Variants in CES5A observed in about 807,000 individuals in gnomAD.
CES5A encodes the protein carboxylesterase 5A.
A neutral mutation model predicts 62.9 loss-of-function variants in CES5A; 67 were observed. The observed-to-expected ratio is 1.07, with a 90% CI of 0.88 to 1.31. The LOEUF (loss-of-function observed/expected upper bound fraction) is 1.31, where lower values mean the gene tolerates loss of function less well. Ranked by LOEUF, CES5A falls within the 50% of genes most tolerant of loss-of-function variation. The probability of loss-of-function intolerance (pLI) is 0.00; values close to 1 mark genes in which losing one functional copy is unlikely to be tolerated. For synonymous variants in CES5A, 296 were observed against 280.8 expected, an observed-to-expected ratio of 1.05 and a Z score of -0.54; for missense variants, 748 against 708.5, an observed-to-expected ratio of 1.06 and a Z score of -0.63.
chr16:55,910,103 G>C (rs1435581141), intron 1 of CES5A, among the ~76,000 whole-genome samples: 1 of 152,126 alleles, frequency 6.6e-6, no homozygotes, highest in Non-Finnish European at 1.5e-5. Flanking sequence ...AGGGACACCT[G>C]CCATTAGACT....
At chr16:55,911,290 G>A (rs566655570) in intron 1 of CES5A, among the ~76,000 whole-genome samples, 10 of 152,298 alleles carry the variant, frequency 6.6e-5, no homozygotes, top group African/African-American at 2.2e-4. Context: ...GTAAGTGAGT[G>A]AAGTAGAAGC....
intron 1 of CES5A, among the ~76,000 whole-genome samples, chr16:55,891,059 T>A (rs1277788099): frequency 3.9e-5 from 6 of 152,126 alleles, no homozygotes; most frequent in African/African-American, 1.4e-4. Flanking sequence ...TCATTCCAAT[T>A]ACCTGCTCAT....
At chr16:55,885,972 A>G (rs59432124) in intron 1 of CES5A, among the ~76,000 whole-genome samples, 214 of 152,288 alleles carry the variant, frequency 1.4e-3, no homozygotes, top group African/African-American at 4.9e-3. Flanking sequence ...CACATGGCTG[A>G]CCCCACGTTG....
At position 55,856,622 on chromosome 16, in the gene CES5A, C is replaced by T. The variant is rs183804549; in HGVS notation, c.1057-177G>A. On this transcript the variant is annotated intron_variant, in intron 8 of 12. Transcript: ENST00000290567. Reference sequence around the variant, plus strand: ...TTGTCAGATAGTTAATTTCTTCTCACTTTTGATAAAAGGCAGCTGTTCCTT... The same window carrying T: ...TTGTCAGATAGTTAATTTCTTCTCATTTTTGATAAAAGGCAGCTGTTCCTT... Among the ~76,000 whole-genome samples the T allele has an allele frequency of 6.7e-3, 1,024 of 152,364 alleles. 7 individuals carry two copies. Among genetic ancestry groups the T allele is most frequent in the Middle Eastern group, 0.024 (7 of 294 alleles).
chr16:55,894,689 C>T (rs1412254881), intron 1 of CES5A, among the ~76,000 whole-genome samples: 1 of 151,986 alleles, frequency 6.6e-6, no homozygotes, highest in African/African-American at 2.4e-5. Context: ...AAAATCTTTA[C>T]AATAATCAAA....
At chr16:55,916,026 G>A (rs1898566999) in intron 1 of CES5A, among the ~76,000 whole-genome samples, 1 of 152,148 alleles carries the variant, frequency 6.6e-6, no homozygotes. Context: ...ATGGCAGACA[G>A]AAGTATTACT....
chr16:55,876,016 C>T (rs149557215), upstream of CES5A, among the ~76,000 whole-genome samples: 310 of 152,304 alleles, frequency 2.0e-3, 1 homozygote, highest in African/African-American at 7.1e-3. Context: ...CCACCTCTTC[C>T]GAGAACCTTC....
intron 1 of CES5A, among the ~76,000 whole-genome samples, chr16:55,889,825 C>T (rs530838909): frequency 6.6e-6 from 1 of 152,308 alleles, no homozygotes; most frequent in Admixed American, 6.5e-5. Flanking sequence ...CCCCAGCCAT[C>T]AGTCATCTCA....
intron 6 of CES5A, 72 bp from the exon 7 acceptor site, chr16:55,861,588 C>A: frequency 9.0e-7 from 1 of 1,110,222 alleles, no homozygotes; most frequent in Non-Finnish European, 1.4e-6. Flanking sequence ...CTTGAAAATG[C>A]CCTCCAATCA....
chr16:55,955,874 C>T (rs1323860308), exon 1 of CES5A: 1 of 1,536,056 alleles, frequency 6.5e-7, no homozygotes, highest in Non-Finnish European at 8.7e-7. Flanking sequence ...CAGGGCAAAC[C>T]AGAACAGCCA....
At chr16:55,895,734 G>C (rs761936162) in intron 1 of CES5A, among the ~76,000 whole-genome samples, 2 of 152,186 alleles carry the variant, frequency 1.3e-5, no homozygotes, top group East Asian at 1.9e-4. Flanking sequence ...TATTTTACAC[G>C]TGAGAAGAAC....
At chr16:55,925,013 A>T (rs1038723889) in intron 1 of CES5A, among the ~76,000 whole-genome samples, 3 of 152,158 alleles carry the variant, frequency 2.0e-5, no homozygotes, top group Non-Finnish European at 2.9e-5. Flanking sequence ...AAAGATAGAC[A>T]AATAGGATTA....
rs1555479325 is a variant in CES5A, at chr16:55,854,531, C to CTTTCTGTTTTCTTTCTTTTTTTTTT, written c.1126-1504_1126-1503insAAAAAAAAAAGAAAGAAAACAGAAA. On this transcript the variant is annotated intron_variant, in intron 9 of 12. Coordinates refer to ENST00000290567, the MANE Select transcript of CES5A (RefSeq NM_001143685.2). Reference sequence around the variant, plus strand: ...TGAGGGATATCTGCCTGTAGTGTTTCTTTTTTTTTTTTCTTTTTTTTTTTT... The same window carrying CTTTCTGTTTTCTTTCTTTTTTTTTT: ...TGAGGGATATCTGCCTGTAGTGTTTCTTTCTGTTTTCTTTCTTTTTTTTTTTTTTTTTTTTTTCTTTTTTTTTTTT... 1.2e-4 allele frequency among the ~76,000 whole-genome samples: 6 copies of CTTTCTGTTTTCTTTCTTTTTTTTTT among 52,162 alleles called. 1 individual carries two copies. The highest frequency in any genetic ancestry group is 4.5e-4 in the African/African-American group (5 of 11,148). The allele number at this position is 52,162 out of a possible 152,430, so 34.2% of individuals were successfully genotyped here.
chr16:55,849,795 T>C (rs1165376919), intron 10 of CES5A, 22 bp from the exon 11 acceptor site: 4 of 1,612,378 alleles, frequency 2.5e-6, no homozygotes, highest in Non-Finnish European at 2.5e-6. Context: ...TCAGGGAAGG[T>C]CAGGCATGCA....
At chr16:55,878,572 A>G (rs1469041955), upstream of CES5A, among the ~76,000 whole-genome samples, 3 of 146,508 alleles carry the variant, frequency 2.0e-5, no homozygotes, top group Non-Finnish European at 4.5e-5. Context: ...CTGCTACCCC[A>G]TCACTGTACC....
chr16:55,853,590 C>T (rs1597111135), intron 9 of CES5A, among the ~76,000 whole-genome samples: 2 of 152,274 alleles, frequency 1.3e-5, no homozygotes, highest in East Asian at 3.9e-4. Context: ...GCCTCAGTTT[C>T]CTCCTCTGTA....
chr16:55,932,150 A>G (rs968456875), intron 2 of CES5A, among the ~76,000 whole-genome samples: 12 of 152,192 alleles, frequency 7.9e-5, no homozygotes, highest in African/African-American at 2.9e-4. Context: ...GCCATGTGTC[A>G]CTTCTCTTCA....
chr16:55,876,621 T>A (rs2033697830), upstream of CES5A, among the ~76,000 whole-genome samples: 1 of 152,144 alleles, frequency 6.6e-6, no homozygotes, highest in Non-Finnish European at 1.5e-5. Context: ...TGGGCTGAAA[T>A]GTGTGCTAAG....
At chr16:55,955,869 C>A in exon 1 of CES5A, 1 of 1,536,060 alleles carries the variant, frequency 6.5e-7, no homozygotes, top group South Asian at 1.2e-5. Context: ...TGAAGCAGGG[C>A]AAACCAGAAC....
Sources: allele counts gnomAD v4.1 joint callset (sites outside exome capture counted in the v4.1 genomes callset), GRCh38; gene constraint gnomAD v4.1.1; transcripts MANE v1.5; gene names NCBI Gene and HGNC (gene_info 2026-07-23, HGNC 2026-07-21).